The following MARCHF1 variants were observed in gnomAD, a reference collection of about 807,000 sequenced individuals.
The protein encoded by MARCHF1 is E3 ubiquitin-protein ligase MARCHF1.
MARCHF1 carries 40 observed loss-of-function variants against 54.2 expected under a neutral mutation model. The ratio of observed to expected loss-of-function variants is 0.74; its 90% CI spans 0.57 to 0.96. MARCHF1 has a LOEUF of 0.96. Ranked by LOEUF, MARCHF1 falls within the 40% of genes least tolerant of loss-of-function variation. The pLI, the probability that MARCHF1 is intolerant of heterozygous loss-of-function variation, is 0.00. For missense variants in MARCHF1, 586 were observed against 656.5 expected (o/e 0.89, Z 1.17); for synonymous variants, 236 against 236.3 (o/e 1.00, Z 0.01).
At chr4:163,533,632 A>AATT (rs1449385387) in intron 9 of MARCHF1, among the ~76,000 whole-genome samples, 2 of 150,092 alleles carry the variant, frequency 1.3e-5, no homozygotes, top group African/African-American at 4.9e-5. Context: ...CCTTCTTTGT[A>AATT]ATTTTTCTGT....
intron 7 of MARCHF1, among the ~76,000 whole-genome samples, chr4:163,595,282 C>G (rs975332172): frequency 1.3e-5 from 2 of 151,488 alleles, no homozygotes; most frequent in Non-Finnish European, 2.9e-5. Flanking sequence ...GAGGCCAAGG[C>G]AGAAGGACTG....
intron 1 of MARCHF1, among the ~76,000 whole-genome samples, chr4:164,260,211 T>C (rs13108031): frequency 0.94 from 142,578 of 152,188 alleles, 66,837 homozygotes; most frequent in African/African-American, 0.96. Context: ...TGTAAACACA[T>C]GCATCACTAC....
At chr4:164,191,011 C>G (rs935176187) in intron 1 of MARCHF1, among the ~76,000 whole-genome samples, 4 of 152,214 alleles carry the variant, frequency 2.6e-5, no homozygotes, top group East Asian at 1.9e-4. Flanking sequence ...TTATCTTTCC[C>G]TCAATGGTCA....
chr4:164,248,508 A>G (rs1259406579), intron 1 of MARCHF1, among the ~76,000 whole-genome samples: 1 of 152,038 alleles, frequency 6.6e-6, no homozygotes, highest in East Asian at 1.9e-4. Context: ...CAAAACATGG[A>G]GTTTTCCTCC....
At chr4:163,583,843 G>C (rs1560956194) in intron 8 of MARCHF1, 1 of 150,528 alleles carries the variant, frequency 6.6e-6, no homozygotes, top group Non-Finnish European at 1.5e-5. Flanking sequence ...TTTTTGTAGA[G>C]ACAAGATTTC....
intron 4 of MARCHF1, among the ~76,000 whole-genome samples, chr4:163,787,296 A>T (rs1205570120): frequency 6.6e-6 from 1 of 151,798 alleles, no homozygotes; most frequent in Non-Finnish European, 1.5e-5. Context: ...AAGGCAATGT[A>T]AAAAAGGGAC....
At chr4:163,827,946 C>G (rs7697536) in intron 4 of MARCHF1, among the ~76,000 whole-genome samples, 9 of 151,436 alleles carry the variant, frequency 5.9e-5, no homozygotes, top group African/African-American at 2.2e-4. Context: ...ATGTTATGCA[C>G]GCTGATTCAG....
intron 8 of MARCHF1, among the ~76,000 whole-genome samples, chr4:163,556,547 AG>A (rs1739292583): frequency 7.7e-6 from 1 of 129,776 alleles, no homozygotes; most frequent in Non-Finnish European, 1.8e-5. Context: ...AATGTAATTG[AG>A]TTGATTTTTT....
intron 4 of MARCHF1, among the ~76,000 whole-genome samples, chr4:163,774,810 G>A (rs1747259350): frequency 1.3e-5 from 2 of 151,904 alleles, no homozygotes; most frequent in Non-Finnish European, 2.9e-5. Flanking sequence ...TAGGCATTTT[G>A]ATAACTCTTT....
chr4:164,047,086 A>G (rs1004668024), intron 2 of MARCHF1, among the ~76,000 whole-genome samples: 3 of 152,172 alleles, frequency 2.0e-5, no homozygotes, highest in Non-Finnish European at 4.4e-5. Flanking sequence ...AAATAAACAA[A>G]ATTTGCTAAG....
intron 2 of MARCHF1, among the ~76,000 whole-genome samples, chr4:164,094,979 C>G (rs995613810): frequency 1.3e-5 from 2 of 152,130 alleles, no homozygotes; most frequent in Non-Finnish European, 2.9e-5. Context: ...AACCCATTAA[C>G]AGTAAACAAA....
chr4:163,735,731 C>T (rs1291456188), intron 4 of MARCHF1, among the ~76,000 whole-genome samples: 1 of 151,752 alleles, frequency 6.6e-6, no homozygotes, highest in East Asian at 1.9e-4. Flanking sequence ...ATTCAAACCA[C>T]AGCAAGTGCT....
intron 1 of MARCHF1, among the ~76,000 whole-genome samples, chr4:164,165,396 G>C (rs370557845): frequency 7.3e-4 from 98 of 134,842 alleles, no homozygotes; most frequent in African/African-American, 2.7e-3. Context: ...CTCTGTCTCT[G>C]TCTCTCTCTA....
intron 3 of MARCHF1, chr4:163,932,964 C>A: frequency 1.4e-6 from 1 of 736,842 alleles, no homozygotes; most frequent in South Asian, 1.3e-5. Context: ...AGGAGCTTAC[C>A]AAAAGGCATT....
In MARCHF1 at chr4:163,764,643, T is replaced by C. The variant is rs536660033; in HGVS notation, c.112-63780A>G. Among the ~76,000 whole-genome samples the C allele has an allele frequency of 2.6e-5, 4 of 152,200 alleles. No homozygotes were observed. The South Asian group carries it at 8.3e-4, about 32-fold the overall frequency. On this transcript the variant is annotated intron_variant, in intron 4 of 9. Transcript: ENST00000514618. ...ATTATGTGGCTTCAAGGTTTCAAGT[T>C]TCCTGGTAACGACTGCAGTGACCAT...
At chr4:164,322,097 G>A (rs1449134192) in intron 1 of MARCHF1, among the ~76,000 whole-genome samples, 1 of 152,056 alleles carries the variant, frequency 6.6e-6, no homozygotes, top group Non-Finnish European at 1.5e-5. Context: ...TGTTGTAGGG[G>A]TGAGGAGAAA....
intron 4 of MARCHF1, among the ~76,000 whole-genome samples, chr4:163,812,569 C>A (rs1748422433): frequency 6.6e-6 from 1 of 152,038 alleles, no homozygotes; most frequent in Admixed American, 6.6e-5. Context: ...ACCAGCCTGG[C>A]CAACATGGTG....
chr4:163,803,930 C>T (rs1330948063), intron 4 of MARCHF1, among the ~76,000 whole-genome samples: 2 of 152,168 alleles, frequency 1.3e-5, no homozygotes, highest in Non-Finnish European at 2.9e-5. Context: ...ACAGCTGCTT[C>T]AAAGAGCATG....
chr4:164,258,815 G>C (rs1274697313), intron 1 of MARCHF1, among the ~76,000 whole-genome samples: 1 of 151,964 alleles, frequency 6.6e-6, no homozygotes, highest in Non-Finnish European at 1.5e-5. Flanking sequence ...CTGAGGAATT[G>C]TTATCTTTAG....
Sources: gnomAD v4.1 joint callset for allele counts (sites outside exome capture counted in the v4.1 genomes callset) on GRCh38, gnomAD v4.1.1 for gene constraint, MANE v1.5 for transcripts, NCBI Gene and HGNC (gene_info 2026-07-23, HGNC 2026-07-21) for gene names.